ROR2: variants seen among roughly 807,000 people sequenced by gnomAD.
ROR2 encodes the protein tyrosine-protein kinase transmembrane receptor ROR2.
Under a neutral mutation model 74.9 loss-of-function variants are expected in ROR2, and 33 were observed. That is an observed-to-expected ratio of 0.44 (90% CI 0.33 to 0.59). The LOEUF is 0.59. ROR2 is among the 20% of genes least tolerant of loss of function. The probability of loss-of-function intolerance (pLI) is 0.02; values close to 1 mark genes in which losing one functional copy is unlikely to be tolerated. For missense variants in ROR2, 1,216 were observed against 1,313.8 expected, an observed-to-expected ratio of 0.93 and a Z score of 1.15; for synonymous variants, 586 against 558.7, an observed-to-expected ratio of 1.05 and a Z score of -0.69.
chr9:91,933,140 G>A (rs373058152), intron 1 of ROR2, among the ~76,000 whole-genome samples: 68 of 152,048 alleles, frequency 4.5e-4, no homozygotes, highest in African/African-American at 1.6e-3. Context: ...GTCAAACTCC[G>A]TCTCTACCAA....
chr9:91,860,553 C>T lies in ROR2; in HGVS notation c.98-84735G>A, dbSNP rs564984294. On this transcript the variant is annotated intron_variant, in intron 1 of 8. Coordinates refer to ENST00000375708, the MANE Select transcript of ROR2 (RefSeq NM_004560.4). ...GGCTGAAAGACCCACAATACGCAGT[C>T]GGCAGTCTGCAAGCTGGAGACCCGG... 5.3e-5 allele frequency among the ~76,000 whole-genome samples: 8 copies of T among 152,298 alleles called. No homozygotes were observed. In the East Asian group the frequency reaches 5.8e-4, roughly 11 times the overall value.
At chr9:91,942,438 T>C (rs77351604) in intron 1 of ROR2, among the ~76,000 whole-genome samples, 4,029 of 152,292 alleles carry the variant, frequency 0.026, 183 homozygotes, top group African/African-American at 0.091. Flanking sequence ...ATGTCTTCTT[T>C]AATGAGTTTA....
chr9:91,879,073 TAA>T lies in ROR2; in HGVS notation c.97+70792_97+70793del, dbSNP rs550384406. Among the ~76,000 whole-genome samples the T allele has an allele frequency of 4.9e-3, 635 of 129,954 alleles. 6 individuals are homozygous for T. Among genetic ancestry groups the T allele is most frequent in the Non-Finnish European group, 6.7e-3 (396 of 59,522 alleles). 85.3% of individuals were successfully genotyped at this position (129,954 alleles called of 152,430 possible). ...AGAAAAAACAAAACAAAACAAACAA[TAA>T]AAAAAAAAAAGACAAATCCAAACAA... On this transcript the variant is annotated intron_variant, in intron 1 of 8. Coordinates refer to ENST00000375708, the MANE Select transcript of ROR2 (RefSeq NM_004560.4).
chr9:91,858,117 G>C (rs1829354258), intron 1 of ROR2, among the ~76,000 whole-genome samples: 1 of 152,124 alleles, frequency 6.6e-6, no homozygotes, highest in African/African-American at 2.4e-5. Flanking sequence ...AGCACCTGGG[G>C]AACAAAGACC....
intron 1 of ROR2, among the ~76,000 whole-genome samples, chr9:91,858,224 G>C (rs556622116): frequency 1.3e-5 from 2 of 152,342 alleles, no homozygotes; most frequent in South Asian, 4.1e-4. Context: ...CTGAGGTGGG[G>C]GTGCGGGTAA....
rs78686572 is a variant in ROR2, at chr9:91,812,229, G to A, written c.98-36411C>T. 3.1e-4 allele frequency among the ~76,000 whole-genome samples: 47 copies of A among 152,090 alleles called. No homozygotes were observed. The East Asian group carries it at 6.0e-3, about 19-fold the overall frequency. On this transcript the variant is annotated intron_variant, in intron 1 of 8. Transcript: ENST00000375708. The stretch of plus-strand genomic sequence containing the variant: ...CTGCTGAAATCTACACAATCCCTTC[G>A]GCTCCTTGTGTGTGTTTGTGTGAAA...
chr9:91,815,443 C>CA (rs531696538), intron 1 of ROR2, among the ~76,000 whole-genome samples: 1 of 149,284 alleles, frequency 6.7e-6, no homozygotes, highest in Non-Finnish European at 1.5e-5. Flanking sequence ...ATACATGGGT[C>CA]AAAAAAAAAG....
intron 1 of ROR2, among the ~76,000 whole-genome samples, chr9:91,781,590 C>T (rs1479120554): frequency 6.6e-6 from 1 of 152,226 alleles, no homozygotes; most frequent in Admixed American, 6.5e-5. Context: ...TAAGACACTG[C>T]ACCCTGTGTT....
Position 91,748,770 on chromosome 9 carries a change from C to A in ROR2, c.494+7301G>T, listed in dbSNP as rs569643015. Among the ~76,000 whole-genome samples, 3 of 152,206 alleles carry A rather than the reference C, an allele frequency of 2.0e-5. No homozygotes were observed. The East Asian group carries it at 5.8e-4, about 29-fold the overall frequency. On this transcript the variant is annotated intron_variant, in intron 4 of 8. Coordinates refer to ENST00000375708, the MANE Select transcript of ROR2 (RefSeq NM_004560.4). ...CACAGAGGCCGGGCCTGGTGGCTCA[C>A]GCCTGCAATCCCAGCATTTTGGGAG...
intron 2 of ROR2, among the ~76,000 whole-genome samples, chr9:91,757,859 A>T (rs1450930869): frequency 6.6e-6 from 1 of 152,136 alleles, no homozygotes; most frequent in East Asian, 1.9e-4. Context: ...GTTTAAAGAC[A>T]CCATATTCAA....
intron 1 of ROR2, among the ~76,000 whole-genome samples, chr9:91,802,519 A>G (rs1365303241): frequency 6.6e-6 from 1 of 152,158 alleles, no homozygotes; most frequent in Non-Finnish European, 1.5e-5. Flanking sequence ...CAAAAGACAT[A>G]AGGGCAGCAT....
intron 1 of ROR2, among the ~76,000 whole-genome samples, chr9:91,836,539 C>CAAAAAAAAAAAAAA (rs753563302): frequency 9.8e-6 from 1 of 102,486 alleles, no homozygotes; most frequent in African/African-American, 3.3e-5. Flanking sequence ...GATTCCATCT[C>CAAAAAAAAAAAAAA]AAAAAAAAAA....
rs75096952 is a variant in ROR2, at chr9:91,914,460, A to C, written c.97+35407T>G. Among the ~76,000 whole-genome samples, 544 of 152,246 alleles carry C rather than the reference A, an allele frequency of 3.6e-3. 4 individuals are homozygous for C. Among genetic ancestry groups the C allele is most frequent in the African/African-American group, 0.012 (502 of 41,540 alleles). On this transcript the variant is annotated intron_variant, in intron 1 of 8. Coordinates refer to ENST00000375708, the MANE Select transcript of ROR2 (RefSeq NM_004560.4). Reference sequence around the variant, plus strand: ...TAAAGGAATCTTCCCTTAACAAGAGAGCTGCGGGGAGGTGGTTCATGACGT... The same window carrying C: ...TAAAGGAATCTTCCCTTAACAAGAGCGCTGCGGGGAGGTGGTTCATGACGT...
intron 4 of ROR2, among the ~76,000 whole-genome samples, chr9:91,754,935 C>T (rs75924618): frequency 5.5e-4 from 84 of 152,164 alleles, no homozygotes; most frequent in African/African-American, 2.0e-3. Context: ...GAGGATTGCT[C>T]GAGGCAAGAG....
intron 2 of ROR2, among the ~76,000 whole-genome samples, chr9:91,769,847 A>C (rs1826173492): frequency 6.6e-6 from 1 of 152,186 alleles, no homozygotes; most frequent in Non-Finnish European, 1.5e-5. Flanking sequence ...GAGAGCCCGG[A>C]GGGGCAGAGA....
At chr9:91,730,883 T>C (rs1166681887) in intron 7 of ROR2, 27 bp downstream of exon 7, 1 of 1,613,506 alleles carries the variant, frequency 6.2e-7, no homozygotes, top group African/African-American at 1.3e-5. Context: ...AATCAACACA[T>C]TAAAAAAAGA....
At chr9:91,755,862 G>A (rs1825733117) in intron 4 of ROR2, 2 of 623,976 alleles carry the variant, frequency 3.2e-6, no homozygotes, top group Non-Finnish European at 2.9e-6. Context: ...AACCATTTTT[G>A]TTTTTCTGAC....
Position 91,724,779 on chromosome 9 carries a change from G to C in ROR2, c.1715C>G (p.Ser572Trp). ...GTCATCATCGGTGCTGCCCACGTCCGAGTGCGGCGAGCGCATGACCAGGAA... is the reference window on the plus strand; with the variant it reads ...GTCATCATCGGTGCTGCCCACGTCCCAGTGCGGCGAGCGCATGACCAGGAA... ...HEFLVMRSPHSDVGSTDDDRT... is the reference protein window; with the variant it reads ...HEFLVMRSPHWDVGSTDDDRT... Residue 572 changes from serine (S) to tryptophan (W), a missense_variant, in exon 9 of 9, where the codon TCG (serine) becomes TGG (tryptophan). Coordinates refer to ENST00000375708, the MANE Select transcript of ROR2 (RefSeq NM_004560.4). The C allele has an allele frequency of 7.4e-6, 12 of 1,612,218 alleles. No homozygotes were observed. Among genetic ancestry groups the C allele is most frequent in the East Asian group, 2.2e-5 (1 of 44,816 alleles).
At chr9:91,871,195 G>T (rs1829784361) in intron 1 of ROR2, among the ~76,000 whole-genome samples, 2 of 152,216 alleles carry the variant, frequency 1.3e-5, no homozygotes. Context: ...CCTCTGAAGA[G>T]TCTCACTTTC....
Sources: gnomAD v4.1 joint callset for allele counts (sites outside exome capture counted in the v4.1 genomes callset) on GRCh38, gnomAD v4.1.1 for gene constraint, MANE v1.5 for transcripts, NCBI Gene and HGNC (gene_info 2026-07-23, HGNC 2026-07-21) for gene names.